Variants in SGCG observed in about 807,000 individuals in gnomAD.
The protein encoded by SGCG is sarcoglycan gamma.
In SGCG, 26 loss-of-function variants were observed where a neutral mutation model predicts 29.3. The ratio of observed to expected loss-of-function variants is 0.89; its 90% CI spans 0.65 to 1.23. SGCG has a LOEUF of 1.23. Among genes scored for constraint, SGCG ranks in the 50% most tolerant of loss-of-function variants. SGCG has a pLI of 0.00. For synonymous variants in SGCG, 145 were observed against 129.7 expected, an observed-to-expected ratio of 1.12 and a Z score of -0.80; for missense variants, 353 against 356.0, an observed-to-expected ratio of 0.99 and a Z score of 0.07.
At chr13:23,252,562 T>G (rs868375052) in intron 4 of SGCG, among the ~76,000 whole-genome samples, 92 of 152,040 alleles carry the variant, frequency 6.1e-4, no homozygotes, top group East Asian at 5.8e-4. Context: ...GTGGTGGCGG[T>G]CGCCTGTAGT....
At chr13:23,230,025 T>C in intron 2 of SGCG, among the ~76,000 whole-genome samples, 1 of 152,194 alleles carries the variant, frequency 6.6e-6, no homozygotes, top group Admixed American at 6.5e-5. Context: ...CTCAGCACCA[T>C]TTATTGAATA....
chr13:23,198,309 A>G (rs4270018), intron 1 of SGCG, among the ~76,000 whole-genome samples: 34,364 of 152,186 alleles, frequency 0.23, 4,190 homozygotes, highest in East Asian at 0.35. Context: ...AATGAAGAAT[A>G]TCATGAAGAC....
intron 1 of SGCG, among the ~76,000 whole-genome samples, chr13:23,181,359 A>T (rs1876728502): frequency 6.6e-6 from 1 of 152,188 alleles, no homozygotes; most frequent in Admixed American, 6.5e-5. Flanking sequence ...GCATTTCTGT[A>T]TTATTGGGCA....
chr13:23,163,635 C>T, the SGCG span, among the ~76,000 whole-genome samples: 1 of 152,234 alleles, frequency 6.6e-6, no homozygotes, highest in East Asian at 1.9e-4. Context: ...GAAAGCTGAA[C>T]TGGACAAGTA....
chr13:23,289,111 G>A (rs1464325559), intron 5 of SGCG, among the ~76,000 whole-genome samples: 3 of 152,316 alleles, frequency 2.0e-5, no homozygotes, highest in Middle Eastern at 3.4e-3. Flanking sequence ...CGAAAAAGAC[G>A]TGAAGACAGA....
At chr13:23,251,962 T>A (rs1182507966) in intron 4 of SGCG, among the ~76,000 whole-genome samples, 1 of 152,156 alleles carries the variant, frequency 6.6e-6, no homozygotes, top group Admixed American at 6.5e-5. Context: ...TGATGATTCC[T>A]TTTTCTTATA....
chr13:23,173,423 T>A, the SGCG span, among the ~76,000 whole-genome samples: 3 of 152,122 alleles, frequency 2.0e-5, no homozygotes, highest in African/African-American at 4.8e-5. Flanking sequence ...ATGGAAGAAA[T>A]CATCTCAGAG....
At chr13:23,219,409 T>C (rs1878568411) in intron 2 of SGCG, among the ~76,000 whole-genome samples, 1 of 152,200 alleles carries the variant, frequency 6.6e-6, no homozygotes, top group South Asian at 2.1e-4. Context: ...TTACTTTTAA[T>C]GTCTAAATAG....
intron 4 of SGCG, among the ~76,000 whole-genome samples, chr13:23,255,509 G>C (rs1880143183): frequency 6.6e-6 from 1 of 152,142 alleles, no homozygotes; most frequent in Non-Finnish European, 1.5e-5. Flanking sequence ...TGTGAGATTT[G>C]GGGGAGCAAG....
intron 2 of SGCG, among the ~76,000 whole-genome samples, chr13:23,218,905 C>T (rs1770454096): frequency 6.9e-6 from 1 of 145,660 alleles, no homozygotes; most frequent in South Asian, 2.2e-4. Context: ...GCCAAAATAA[C>T]AATATAAATA....
chr13:23,186,843 A>G (rs533672410), intron 1 of SGCG, among the ~76,000 whole-genome samples: 128 of 152,292 alleles, frequency 8.4e-4, no homozygotes, highest in African/African-American at 2.9e-3. Context: ...GGGATTCCAC[A>G]TCAGTGGATC....
At chr13:23,324,220 A>C in intron 7 of SGCG, 148 bp from the exon 8 acceptor site, 1 of 725,064 alleles carries the variant, frequency 1.4e-6, no homozygotes, top group South Asian at 1.6e-5. Flanking sequence ...AGAATCGGAT[A>C]ATTACGAAAT....
chr13:23,187,577 G>A (rs1468958408), intron 1 of SGCG, among the ~76,000 whole-genome samples: 2 of 152,154 alleles, frequency 1.3e-5, no homozygotes, highest in South Asian at 2.1e-4. Flanking sequence ...AATGTGGCCC[G>A]TTTCCTCCCT....
chr13:23,181,319 A>G (rs985664321), intron 1 of SGCG, among the ~76,000 whole-genome samples: 4 of 152,134 alleles, frequency 2.6e-5, no homozygotes, highest in Non-Finnish European at 5.9e-5. Context: ...TATATTTCTA[A>G]CATTTTTAAT....
chr13:23,226,358 A>G (rs1356368395), intron 2 of SGCG, among the ~76,000 whole-genome samples: 1 of 152,256 alleles, frequency 6.6e-6, no homozygotes, highest in Non-Finnish European at 1.5e-5. Context: ...GAGACATAAA[A>G]TAATTATGCA....
chr13:23,189,451 C>G (rs1877151214), intron 1 of SGCG, among the ~76,000 whole-genome samples: 1 of 152,186 alleles, frequency 6.6e-6, no homozygotes, highest in African/African-American at 2.4e-5. Context: ...GCTGGAATTA[C>G]AGGCGTGAGC....
chr13:23,287,852 T>C (rs1168336849), intron 5 of SGCG, among the ~76,000 whole-genome samples: 1 of 152,120 alleles, frequency 6.6e-6, no homozygotes, highest in East Asian at 1.9e-4. Flanking sequence ...CCTCCTGGGT[T>C]CAAGCAATTC....
chr13:23,174,883 G>A, the SGCG span, among the ~76,000 whole-genome samples: 2 of 151,866 alleles, frequency 1.3e-5, no homozygotes, highest in East Asian at 3.9e-4. Flanking sequence ...AAATGGAATG[G>A]AATGGAATCA....
chr13:23,292,679 T>C (rs1238880039), intron 5 of SGCG, among the ~76,000 whole-genome samples: 3 of 152,206 alleles, frequency 2.0e-5, no homozygotes, highest in African/African-American at 7.2e-5. Flanking sequence ...TATATAAAAA[T>C]AGAGAAAATA....
Sources: gnomAD v4.1 joint callset for allele counts (sites outside exome capture counted in the v4.1 genomes callset) on GRCh38, gnomAD v4.1.1 for gene constraint, MANE v1.5 for transcripts, NCBI Gene and HGNC (gene_info 2026-07-23, HGNC 2026-07-21) for gene names.